The following MAP3K4 variants were observed in gnomAD, a reference collection of about 807,000 sequenced individuals.
MAP3K4 encodes mitogen-activated protein kinase kinase kinase 4, also known as MAP three kinase 1.
Under a neutral mutation model 185.6 loss-of-function variants are expected in MAP3K4, and 67 were observed. That is an observed-to-expected ratio of 0.36 (90% CI 0.30 to 0.44). MAP3K4 has a LOEUF of 0.44. Among genes scored for constraint, MAP3K4 ranks in the 20% least tolerant of loss-of-function variants. The pLI is 1.00. For missense variants in MAP3K4, 1,551 were observed against 1,995.1 expected, an observed-to-expected ratio of 0.78 and a Z score of 4.24; for synonymous variants, 702 against 710.4, an observed-to-expected ratio of 0.99 and a Z score of 0.19.
chr6:161,030,922 A>G (rs1439836333), intron 1 of MAP3K4, among the ~76,000 whole-genome samples: 1 of 152,228 alleles, frequency 6.6e-6, no homozygotes, highest in East Asian at 1.9e-4. Context: ...AGAAAATATT[A>G]AATTCATTTT....
rs180691331 is a variant in MAP3K4 at position 161,056,969 on chromosome 6, C to G, written c.1707+6990C>G. Among the ~76,000 whole-genome samples the G allele has an allele frequency of 9.2e-5, 14 of 152,174 alleles. No individual in the cohort carries two copies. The East Asian group carries it at 1.9e-3, about 21-fold the overall frequency. ...TGTAATATGGTTATTTTGTGCTCCTCCTTTTTGATTTCCTTATGAACTTTA... is the reference window on the plus strand; with the variant it reads ...TGTAATATGGTTATTTTGTGCTCCTGCTTTTTGATTTCCTTATGAACTTTA... On this transcript the variant is annotated intron_variant, in intron 3 of 26. Coordinates refer to ENST00000392142, the MANE Select transcript of MAP3K4 (RefSeq NM_005922.4). The surrounding 1 kb of genome is among the most constrained non-coding windows in gnomAD (Gnocchi z 5.4).
Position 161,074,272 on chromosome 6 carries a change from A to G in MAP3K4, c.2097+660A>G, listed in dbSNP as rs1468238864. Among the ~76,000 whole-genome samples the G allele has an allele frequency of 2.0e-5, 3 of 152,210 alleles. No homozygotes were observed. The highest frequency in any genetic ancestry group is 2.0e-4 in the Admixed American group (3 of 15,284). On this transcript the variant is annotated intron_variant, in intron 5 of 26. Transcript: ENST00000392142. The surrounding 1 kb of genome is among the most constrained non-coding windows in gnomAD (Gnocchi z 5.0). The stretch of plus-strand genomic sequence containing the variant: ...CTTGTAAATAGTTTGATTGGGCAGG[A>G]GTAGACCTATTTTTATTTTGTCATA...
In MAP3K4 at chr6:161,098,314, C is replaced by T. The variant is rs990717792; in HGVS notation, c.3561C>T (p.Gly1187=). 1 of 1,565,082 alleles carries T rather than the reference C, an allele frequency of 6.4e-7. No individual in the cohort carries two copies. Among genetic ancestry groups the T allele is most frequent in the Non-Finnish European group, 8.6e-7 (1 of 1,164,164 alleles). Residue 1187 remains glycine (G), a synonymous_variant, in exon 17 of 27, where the codon GGC becomes GGT. Transcript: ENST00000392142. This position sits in a 1 kb window ranked among gnomAD's most constrained non-coding sequence, Gnocchi z 4.4. ...RSMPSDARSH[G]SPAAAAAAAA... The stretch of plus-strand genomic sequence containing the variant: ...TGCCTTCCGACGCGCGGAGCCATGG[C>T]AGCCCTGCTGCTGCTGCTGCTGCTG...
chr6:161,094,051 G>A (rs1409770168), intron 15 of MAP3K4, among the ~76,000 whole-genome samples, 200 bp downstream of exon 15: 4 of 152,192 alleles, frequency 2.6e-5, no homozygotes, highest in African/African-American at 7.2e-5. Context: ...AGATTAAAAC[G>A]TCAGCCATAC....
chr6:161,049,529 A>C lies in MAP3K4; in HGVS notation c.1257A>C (p.Leu419Phe). The C allele has an allele frequency of 6.2e-7, 1 of 1,614,204 alleles. No homozygotes were observed. The highest frequency in any genetic ancestry group is 8.5e-7 in the Non-Finnish European group (1 of 1,180,004). ...IMGTVLGIKN[L>F]SDIGWPVFEI... ...GCACTGTTTTGGGCATCAAGAATTT[A>C]TCAGACATTGGCTGGCCAGTGTTTG... The change falls in exon 3 of 27, where the codon TTA (leucine) becomes TTC (phenylalanine). Residue 419 changes from leucine to phenylalanine, a missense_variant. Coordinates refer to ENST00000392142, the MANE Select transcript of MAP3K4 (RefSeq NM_005922.4). This position sits in a 1 kb window ranked among gnomAD's most constrained non-coding sequence, Gnocchi z 8.4.
chr6:161,085,444 A>G (rs1384255472), intron 7 of MAP3K4, among the ~76,000 whole-genome samples: 1 of 152,218 alleles, frequency 6.6e-6, no homozygotes, highest in Non-Finnish European at 1.5e-5. Flanking sequence ...TTTGTGGTAT[A>G]TATATCAGGC....
chr6:161,033,737 G>A (rs777665883), intron 1 of MAP3K4, among the ~76,000 whole-genome samples: 4 of 152,066 alleles, frequency 2.6e-5, no homozygotes, highest in East Asian at 1.9e-4. Context: ...TTGGTACTTC[G>A]TGCTTTGCTG....
intron 3 of MAP3K4, among the ~76,000 whole-genome samples, chr6:161,050,220 A>AGGCAAAG (rs1783939405): frequency 3.3e-5 from 5 of 152,206 alleles, no homozygotes; most frequent in Admixed American, 3.3e-4. Context: ...AACCACGTAA[A>AGGCAAAG]TACAGGATGG....
At chr6:161,016,316 T>G (rs1461852268) in intron 1 of MAP3K4, among the ~76,000 whole-genome samples, 1 of 152,184 alleles carries the variant, frequency 6.6e-6, no homozygotes, top group Non-Finnish European at 1.5e-5. Flanking sequence ...CTTTTTTACT[T>G]TCTTGATTGT....
rs1562541068 is a variant in MAP3K4, at chr6:161,101,762, TG to T, written c.3675-128del. ...CTCCCAAAAGTGTCTAATACATTGC[TG>T]GAGGCAGAGTTGTTCCTGGCAGGCA... is the stretch of plus-strand genomic sequence containing the variant. On this transcript the variant is annotated intron_variant, in intron 17 of 26. Transcript: ENST00000392142. The surrounding 1 kb of genome is among the most constrained non-coding windows in gnomAD (Gnocchi z 5.1). 1 of 724,880 alleles carries T rather than the reference TG, an allele frequency of 1.4e-6. No individual in the cohort carries two copies. Among genetic ancestry groups the T allele is most frequent in the Non-Finnish European group, 2.3e-6 (1 of 431,966 alleles). 44.9% of individuals were successfully genotyped at this position (724,880 alleles called of 1,614,324 possible).
rs1783846645 is a variant in MAP3K4, at chr6:161,048,531, G to A, written c.344-85G>A. 7 of 855,200 alleles carry A rather than the reference G, an allele frequency of 8.2e-6. No homozygotes were observed. Among genetic ancestry groups the A allele is most frequent in the Non-Finnish European group, 1.2e-5 (7 of 570,186 alleles). 53.0% of individuals were successfully genotyped at this position (855,200 alleles called of 1,614,324 possible). On this transcript the variant is annotated intron_variant, in intron 2 of 26. Coordinates refer to ENST00000392142, the MANE Select transcript of MAP3K4 (RefSeq NM_005922.4). This position sits in a 1 kb window ranked among gnomAD's most constrained non-coding sequence, Gnocchi z 4.7. ...TAGCAGTCTGAAAATATAAATATGT[G>A]TGAATACCAGTTTTATTGAAAATAT...
chr6:161,045,346 A>T (rs1783680571), intron 2 of MAP3K4, among the ~76,000 whole-genome samples: 1 of 152,216 alleles, frequency 6.6e-6, no homozygotes, highest in Non-Finnish European at 1.5e-5. Context: ...AAATTTCAAA[A>T]AATTGTGTAA....
chr6:161,047,128 A>G (rs934565861), intron 2 of MAP3K4, among the ~76,000 whole-genome samples: 1 of 145,970 alleles, frequency 6.9e-6, no homozygotes, highest in East Asian at 2.0e-4. Flanking sequence ...ATATATATAT[A>G]TATATATATA....
intron 3 of MAP3K4, among the ~76,000 whole-genome samples, chr6:161,065,830 C>T (rs1246808): frequency 2.1e-5 from 3 of 143,544 alleles, no homozygotes; most frequent in South Asian, 2.2e-4. Context: ...CCCAGCTACT[C>T]GGGAGGCTGA....
At chr6:161,060,157 C>T (rs1286978993) in intron 3 of MAP3K4, among the ~76,000 whole-genome samples, 2 of 152,104 alleles carry the variant, frequency 1.3e-5, no homozygotes, top group African/African-American at 4.8e-5. Context: ...TTCTAATTCT[C>T]TCATTTCTTC....
chr6:161,005,314 G>C lies in MAP3K4; in HGVS notation c.152+13231G>C, dbSNP rs112597001. On this transcript the variant is annotated intron_variant, in intron 1 of 26. Transcript: ENST00000392142. ...CCACCATGCGTGGCTAGTTTTTTAA[G>C]TTTTTTGTAGAAATGGGGTTTCTCC... Among the ~76,000 whole-genome samples the C allele has an allele frequency of 3.1e-3, 478 of 151,824 alleles. 2 individuals carry two copies. The highest frequency in any genetic ancestry group is 0.011 in the African/African-American group (459 of 41,374).
intron 3 of MAP3K4, among the ~76,000 whole-genome samples, chr6:161,058,229 G>T (rs1304536466): frequency 2.0e-5 from 3 of 152,070 alleles, no homozygotes; most frequent in South Asian, 2.1e-4. Context: ...TATTTTTTTT[G>T]ACTTAGTGTC....
chr6:161,014,421 T>G (rs1339629108), intron 1 of MAP3K4, among the ~76,000 whole-genome samples: 1 of 152,352 alleles, frequency 6.6e-6, no homozygotes, highest in East Asian at 1.9e-4. Flanking sequence ...TTGTTAGTGC[T>G]TTTTCAAATT....
At chr6:161,000,893 A>G (rs1437531620) in intron 1 of MAP3K4, among the ~76,000 whole-genome samples, 3 of 149,420 alleles carry the variant, frequency 2.0e-5, no homozygotes, top group Non-Finnish European at 3.0e-5. Flanking sequence ...ATTATACTAT[A>G]CATATATGTA....
Sources: gnomAD v4.1 joint callset for allele counts (sites outside exome capture counted in the v4.1 genomes callset) on GRCh38, gnomAD v4.1.1 for gene constraint, Gnocchi (gnomAD v3.1) non-coding constraint, MANE v1.5 for transcripts, NCBI Gene and HGNC (gene_info 2026-07-23, HGNC 2026-07-21) for gene names.